Variants in ATAD2B observed in about 807,000 individuals in gnomAD.
ATAD2B encodes the protein ATPase family AAA domain-containing protein 2B.
Under a neutral mutation model 167.6 loss-of-function variants are expected in ATAD2B, and 40 were observed. The ratio of observed to expected loss-of-function variants is 0.24; its 90% CI spans 0.19 to 0.31. The LOEUF (loss-of-function observed/expected upper bound fraction) is 0.31, where lower values mean the gene tolerates loss of function less well. Ranked by LOEUF, ATAD2B falls within the 10% of genes least tolerant of loss-of-function variation. The pLI, the probability that ATAD2B is intolerant of heterozygous loss-of-function variation, is 1.00. For synonymous variants in ATAD2B, 579 were observed against 596.5 expected (o/e 0.97, Z 0.43); for missense variants, 1,242 against 1,757.2 (o/e 0.71, Z 5.24).
At chr2:23,869,199 A>G (rs1386514275) in intron 9 of ATAD2B, among the ~76,000 whole-genome samples, 1 of 152,226 alleles carries the variant, frequency 6.6e-6, no homozygotes, top group African/African-American at 2.4e-5. Flanking sequence ...TAGTTAGGGA[A>G]AGATCACCAG....
chr2:23,892,671 T>C (rs1317758927), intron 2 of ATAD2B, among the ~76,000 whole-genome samples: 2 of 151,914 alleles, frequency 1.3e-5, no homozygotes, highest in Non-Finnish European at 2.9e-5. Flanking sequence ...GATTTCACCA[T>C]GTTGGCCAGA....
At position 23,814,836 on chromosome 2, in the gene ATAD2B, T is replaced by C. The variant is rs1389721630; in HGVS notation, c.2268-4334A>G. On this transcript the variant is annotated intron_variant, in intron 17 of 27. Transcript: ENST00000238789. ...TTGGGAGGCCAAGGCGGGCAGATCA[T>C]GAGGTCAAGAGATCGAGACCATCCT... is the stretch of plus-strand genomic sequence containing the variant. Among the ~76,000 whole-genome samples the C allele has an allele frequency of 2.6e-5, 4 of 151,900 alleles. No individual in the cohort carries two copies. In the East Asian group the frequency reaches 7.8e-4, roughly 29 times the overall value.
chr2:23,851,648 C>T (rs1281968643), intron 13 of ATAD2B, among the ~76,000 whole-genome samples: 2 of 152,118 alleles, frequency 1.3e-5, no homozygotes, highest in South Asian at 4.1e-4. Flanking sequence ...TTAAGGTTCA[C>T]GCTTGATGAT....
chr2:23,918,586 A>G (rs1282230189), intron 1 of ATAD2B, among the ~76,000 whole-genome samples: 1 of 152,184 alleles, frequency 6.6e-6, no homozygotes, highest in African/African-American at 2.4e-5. Context: ...CCTATATTTC[A>G]TATCCCTATA....
At chr2:23,880,569 A>G in intron 7 of ATAD2B, 70 bp downstream of exon 7, 1 of 894,390 alleles carries the variant, frequency 1.1e-6, no homozygotes, top group East Asian at 2.6e-5. Context: ...TCTCAAAAAA[A>G]AAAAAAAGCA....
intron 15 of ATAD2B, among the ~76,000 whole-genome samples, chr2:23,826,123 A>AC (rs912548072): frequency 5.9e-5 from 9 of 152,162 alleles, no homozygotes; most frequent in South Asian, 2.1e-4. Flanking sequence ...CCCAAGCCCC[A>AC]CAATAAACCC....
chr2:23,693,598 G>A, the ATAD2B span: 2 of 1,462,656 alleles, frequency 1.4e-6, no homozygotes, highest in East Asian at 2.5e-5. Flanking sequence ...GGGGTCTGCA[G>A]CAAGGAGGAA....
chr2:23,694,620 C>G, the ATAD2B span, among the ~76,000 whole-genome samples: 1 of 152,354 alleles, frequency 6.6e-6, no homozygotes, highest in South Asian at 2.1e-4. Flanking sequence ...TTCTCCCTGT[C>G]TCCCTAAACG....
chr2:23,924,006 C>A (rs1005079625), intron 1 of ATAD2B, among the ~76,000 whole-genome samples: 47 of 152,250 alleles, frequency 3.1e-4, no homozygotes, highest in African/African-American at 4.1e-4. Flanking sequence ...CACCGTGAAA[C>A]CCCGTCTCTA....
At chr2:23,810,683 G>A (rs1685421608) in intron 17 of ATAD2B, among the ~76,000 whole-genome samples, 181 bp from the exon 18 acceptor site, 1 of 151,922 alleles carries the variant, frequency 6.6e-6, no homozygotes, top group African/African-American at 2.4e-5. Context: ...TGGTATCTCT[G>A]ACCATATTAA....
downstream of ATAD2B, among the ~76,000 whole-genome samples, chr2:23,748,390 G>A (rs1317614971): frequency 1.3e-5 from 2 of 152,126 alleles, no homozygotes; most frequent in African/African-American, 4.8e-5. Flanking sequence ...TAGTCTTCCA[G>A]CTAGAAAAAC....
At chr2:23,895,274 G>A (rs1187166045) in intron 2 of ATAD2B, among the ~76,000 whole-genome samples, 1 of 151,792 alleles carries the variant, frequency 6.6e-6, no homozygotes, top group Non-Finnish European at 1.5e-5. Context: ...CTACCATTTG[G>A]GAGTAAATTA....
At chr2:23,810,575 T>A in intron 17 of ATAD2B, 73 bp from the exon 18 acceptor site, 1 of 1,253,694 alleles carries the variant, frequency 8.0e-7, no homozygotes, top group Non-Finnish European at 1.1e-6. Flanking sequence ...TCAGGCAAAA[T>A]TTTTACATTA....
the ATAD2B span, chr2:23,690,026 T>G: frequency 1.3e-5 from 2 of 152,166 alleles, no homozygotes; most frequent in African/African-American, 4.8e-5. Context: ...GGGGTCCTGG[T>G]GGGATGAGCC....
chr2:23,886,945 G>A (rs991103599), intron 4 of ATAD2B, among the ~76,000 whole-genome samples: 3 of 140,166 alleles, frequency 2.1e-5, no homozygotes, highest in Admixed American at 7.1e-5. Context: ...AAAAAAAAAG[G>A]GAAAAAGAAA....
chr2:23,823,188 T>C (rs1687730319), intron 16 of ATAD2B, 70 bp downstream of exon 16: 3 of 1,256,976 alleles, frequency 2.4e-6, no homozygotes, highest in Non-Finnish European at 3.3e-6. Context: ...AATAATCTTA[T>C]GAGGAAACTA....
downstream of ATAD2B, among the ~76,000 whole-genome samples, chr2:23,745,029 T>A (rs569782886): frequency 4.6e-5 from 7 of 152,332 alleles, no homozygotes; most frequent in Middle Eastern, 3.4e-3. Context: ...CTCACGCTTG[T>A]AATCCCAGCA....
intron 16 of ATAD2B, among the ~76,000 whole-genome samples, chr2:23,820,943 C>T (rs954032595): frequency 2.0e-5 from 3 of 151,694 alleles, no homozygotes; most frequent in African/African-American, 7.3e-5. Flanking sequence ...AGCCAGACTC[C>T]GTCTCAAAAC....
At chr2:23,850,633 G>C (rs1210750833) in intron 13 of ATAD2B, among the ~76,000 whole-genome samples, 1 of 152,152 alleles carries the variant, frequency 6.6e-6, no homozygotes, top group Non-Finnish European at 1.5e-5. Context: ...AAGATCAGTG[G>C]TTGCTGGGGA....
Sources: allele counts gnomAD v4.1 joint callset (sites outside exome capture counted in the v4.1 genomes callset), GRCh38; gene constraint gnomAD v4.1.1; transcripts MANE v1.5; gene names NCBI Gene and HGNC (gene_info 2026-07-23, HGNC 2026-07-21).